CNDP2: variants seen among roughly 807,000 people sequenced by gnomAD.
CNDP2 encodes cytosolic non-specific dipeptidase.
A neutral mutation model predicts 55.0 loss-of-function variants in CNDP2; 38 were observed. The observed-to-expected ratio is 0.69, with a 90% confidence interval of 0.53 to 0.90. CNDP2 has a LOEUF of 0.90. Ranked by LOEUF, CNDP2 falls within the 40% of genes least tolerant of loss-of-function variation. The probability of loss-of-function intolerance (pLI) is 0.00; values close to 1 mark genes in which losing one functional copy is unlikely to be tolerated. For missense variants in CNDP2, 607 were observed against 621.7 expected (o/e 0.98, Z 0.25); for synonymous variants, 241 against 260.2 (o/e 0.93, Z 0.71).
At chr18:74,508,061 C>G (rs1011777181) in intron 4 of CNDP2, 3 of 152,290 alleles carry the variant, frequency 2.0e-5, no homozygotes, top group African/African-American at 7.2e-5. Flanking sequence ...GCTGCGGGAC[C>G]TGGGAAGCAG....
Position 74,510,802 on chromosome 18 carries a change from C to G in CNDP2, c.457-11C>G. 6.2e-7 allele frequency: 1 copy of G among 1,611,040 alleles called. No individual in the cohort carries two copies. The highest frequency in any genetic ancestry group is 8.5e-7 in the Non-Finnish European group (1 of 1,178,264). ...AGCTGAATATCCACTCGTGCTGTTC[C>G]CTTCTCACAGGAGATTCCTGTCAAC... On this transcript the variant is annotated splice_polypyrimidine_tract_variant and intron_variant, in intron 5 of 11. Transcript: ENST00000324262.
intron 8 of CNDP2, among the ~76,000 whole-genome samples, chr18:74,515,705 C>T (rs911999782): frequency 6.6e-6 from 1 of 152,144 alleles, no homozygotes; most frequent in African/African-American, 2.4e-5. Context: ...TGAAGTCTCT[C>T]CTGGTCTGAG....
chr18:74,515,250 C>T (rs1979600878), intron 8 of CNDP2, among the ~76,000 whole-genome samples: 1 of 152,144 alleles, frequency 6.6e-6, no homozygotes, highest in African/African-American at 2.4e-5. Flanking sequence ...GATGTCAGAG[C>T]TGAGTCGGTG....
rs1979337552 is a variant in CNDP2 at position 74,511,230 on chromosome 18, C to G, written c.657+217C>G. ...TCAGAAGTTAATCTCACAGCAGCAT[C>G]AAGGTAGGACAGTGTGATTTGTAAT... On this transcript the variant is annotated intron_variant, in intron 6 of 11. Coordinates refer to ENST00000324262, the MANE Select transcript of CNDP2 (RefSeq NM_018235.3). 10 of 565,576 alleles carry G rather than the reference C, an allele frequency of 1.8e-5. No homozygotes were observed. The South Asian group carries it at 2.3e-4, about 13-fold the overall frequency. 35.0% of individuals were successfully genotyped at this position (565,576 alleles called of 1,614,324 possible).
chr18:74,498,186 T>C (rs1178209383), intron 1 of CNDP2, among the ~76,000 whole-genome samples: 5 of 152,154 alleles, frequency 3.3e-5, no homozygotes, highest in African/African-American at 4.8e-5. Context: ...AGAAAATGCA[T>C]TGTTAGGCGA....
At chr18:74,501,677 A>G (rs1978709828) in intron 3 of CNDP2, among the ~76,000 whole-genome samples, 1 of 152,080 alleles carries the variant, frequency 6.6e-6, no homozygotes, top group Admixed American at 6.6e-5. Flanking sequence ...GGCACTCAGC[A>G]TTTTTCTCCA....
chr18:74,518,318 C>T (rs766597130), intron 9 of CNDP2, 181 bp from the exon 10 acceptor site: 36 of 578,088 alleles, frequency 6.2e-5, no homozygotes, highest in Non-Finnish European at 9.7e-5. Flanking sequence ...AGTTATGTAG[C>T]TCAGTATTAA....
chr18:74,518,987 A>C lies in CNDP2; in HGVS notation c.1249A>C (p.Ser417Arg). The C allele has an allele frequency of 6.2e-7, 1 of 1,614,190 alleles. No homozygotes were observed. The highest frequency in any genetic ancestry group is 1.1e-5 in the South Asian group (1 of 91,086). The stretch of plus-strand genomic sequence containing the variant: ...GCCAGACTTGACCAGGGAAGGCGGC[A>C]GTATTCCCGTGACCTTGACCTTTCA... The part of the protein sequence containing the change: ...VEPDLTREGG[S>R]IPVTLTFQEA... The change falls in exon 11 of 12, where the codon AGT (serine) becomes CGT (arginine). Residue 417 changes from serine to arginine, a missense_variant. Coordinates refer to ENST00000324262, the MANE Select transcript of CNDP2 (RefSeq NM_018235.3).
chr18:74,511,668 A>G (rs901221091), intron 6 of CNDP2, among the ~76,000 whole-genome samples: 1 of 149,344 alleles, frequency 6.7e-6, no homozygotes, highest in African/African-American at 2.5e-5. Context: ...AGATTGCACC[A>G]TTGCACTCCA....
rs769757399 is a variant in CNDP2 at position 74,513,715 on chromosome 18, A to G, written c.899A>G (p.His300Arg). Residue 300 changes from histidine to arginine, a missense_variant, in exon 8 of 12, where the codon CAC becomes CGC. Coordinates refer to ENST00000324262, the MANE Select transcript of CNDP2 (RefSeq NM_018235.3). ...GGGGCGCAGATCCTCCTGCACAGCCACAAGGTCTGGTTCAGGGCTCGACTC... is the reference window on the plus strand; with the variant it reads ...GGGGCGCAGATCCTCCTGCACAGCCGCAAGGTCTGGTTCAGGGCTCGACTC... The part of the protein sequence containing the change: ...DVGAQILLHS[H>R]KKDILMHRWR... 1.2e-6 allele frequency: 2 copies of G among 1,613,630 alleles called. No homozygotes were observed.
At chr18:74,512,984 T>C (rs1979442513) in intron 7 of CNDP2, among the ~76,000 whole-genome samples, 1 of 152,252 alleles carries the variant, frequency 6.6e-6, no homozygotes, top group South Asian at 2.1e-4. Flanking sequence ...GGTGTCCTCC[T>C]GCTCTCAGGC....
intron 2 of CNDP2, chr18:74,501,029 GT>G: frequency 2.6e-6 from 1 of 389,432 alleles, no homozygotes; most frequent in Non-Finnish European, 3.7e-6. Context: ...CCCGGGTCCG[GT>G]TTTGGGCCTG....
At chr18:74,517,008 T>C (rs1413625857) in intron 9 of CNDP2, 2 of 151,664 alleles carry the variant, frequency 1.3e-5, no homozygotes, top group African/African-American at 4.8e-5. Flanking sequence ...CGCGATAGCT[T>C]ACGTGGCAGA....
At chr18:74,512,350 G>T (rs1041457380) in intron 6 of CNDP2, 98 bp from the exon 7 acceptor site, 107 of 1,114,340 alleles carry the variant, frequency 9.6e-5, no homozygotes, top group Non-Finnish European at 1.1e-4. Flanking sequence ...TTGGGAAATT[G>T]TCAGGCCTTG....
chr18:74,510,490 G>A lies in CNDP2; in HGVS notation c.457-323G>A, dbSNP rs147457866. On this transcript the variant is annotated intron_variant, in intron 5 of 11. Coordinates refer to ENST00000324262, the MANE Select transcript of CNDP2 (RefSeq NM_018235.3). The stretch of plus-strand genomic sequence containing the variant: ...CGCACCTCCTCGTGTCGGTGGCTCC[G>A]CTGGTATAATCAGGACTCACGTGGT... Among the ~76,000 whole-genome samples, 476 of 152,296 alleles carry A rather than the reference G, an allele frequency of 3.1e-3. 2 individuals are homozygous for A. Among genetic ancestry groups the A allele is most frequent in the African/African-American group, 0.01 (436 of 41,570 alleles).
At position 74,499,867 on chromosome 18, in the gene CNDP2, G is replaced by A. The variant is rs1344162461; in HGVS notation, c.-92-15G>A. The A allele has an allele frequency of 3.2e-6, 3 of 932,618 alleles. No individual in the cohort carries two copies. The highest frequency in any genetic ancestry group is 2.3e-4 in the Middle Eastern group (1 of 4,388). The allele number at this position is 932,618 out of a possible 1,614,324, so 57.8% of individuals were successfully genotyped here. A position where few individuals can be genotyped will look rare whatever the true frequency, so the allele number is the denominator to read the frequency against. On this transcript the variant is annotated splice_polypyrimidine_tract_variant and intron_variant, in intron 1 of 11. Transcript: ENST00000324262. Reference sequence around the variant, plus strand: ...GGCAACAATTTACAATTCTGAACACGTGCTTTCTGGGCAGGTCGCCCCTCA... The same window carrying A: ...GGCAACAATTTACAATTCTGAACACATGCTTTCTGGGCAGGTCGCCCCTCA...
intron 8 of CNDP2, 42 bp downstream of exon 8, chr18:74,513,761 C>T: frequency 4.4e-6 from 7 of 1,595,036 alleles, no homozygotes; most frequent in Non-Finnish European, 6.0e-6. Context: ...CCAGGCCACG[C>T]TGTGACACAG....
At chr18:74,506,483 C>T (rs575539438) in intron 4 of CNDP2, among the ~76,000 whole-genome samples, 2 of 152,308 alleles carry the variant, frequency 1.3e-5, no homozygotes, top group Admixed American at 6.5e-5. Flanking sequence ...TTACAGGTGC[C>T]TCTGTTGCTG....
rs1447889181 is a variant in CNDP2, at chr18:74,518,806, C to G, written c.1211-143C>G. 2.8e-6 allele frequency: 4 copies of G among 1,427,374 alleles called. No individual in the cohort carries two copies. The Admixed American group carries it at 7.2e-5, about 26-fold the overall frequency. 88.4% of individuals were successfully genotyped at this position (1,427,374 alleles called of 1,614,324 possible). A position where few individuals can be genotyped will look rare whatever the true frequency, so the allele number is the denominator to read the frequency against. On this transcript the variant is annotated intron_variant, in intron 10 of 11. Transcript: ENST00000324262. ...GCTAGTGTGTGGGATGAGCCTGGAC[C>G]CCTGGCGGACCTTGAACGCGGGCTT...
Sources: gnomAD v4.1 joint callset for allele counts (sites outside exome capture counted in the v4.1 genomes callset) on GRCh38, gnomAD v4.1.1 for gene constraint, MANE v1.5 for transcripts, NCBI Gene and HGNC (gene_info 2026-07-23, HGNC 2026-07-21) for gene names.